ETFA: variants seen among roughly 807,000 people sequenced by gnomAD.
The protein encoded by ETFA is electron transfer flavoprotein subunit alpha, mitochondrial.
Under a neutral mutation model 46.2 loss-of-function variants are expected in ETFA, and 22 were observed. That is an observed-to-expected ratio of 0.48 (90% confidence interval 0.34 to 0.68). The LOEUF (loss-of-function observed/expected upper bound fraction) is 0.68. Among genes scored for constraint, ETFA ranks in the 30% least tolerant of loss-of-function variants. The pLI, the probability that ETFA is intolerant of heterozygous loss-of-function variation, is 0.01. For missense variants in ETFA, 345 were observed against 401.1 expected (o/e 0.86, Z 1.19); for synonymous variants, 131 against 139.9 (o/e 0.94, Z 0.45).
chr15:76,244,870 T>G (rs1436144560), intron 9 of ETFA, among the ~76,000 whole-genome samples: 1 of 152,164 alleles, frequency 6.6e-6, no homozygotes, highest in African/African-American at 2.4e-5. Flanking sequence ...TTACCATATA[T>G]ATGTAAAAAG....
intron 1 of ETFA, 114 bp from the exon 2 acceptor site, chr15:76,295,851 ATAT>A: frequency 1.6e-6 from 1 of 632,478 alleles, no homozygotes; most frequent in Non-Finnish European, 2.6e-6. Context: ...TCTGTACACA[ATAT>A]TATTCTATAA....
intron 9 of ETFA, among the ~76,000 whole-genome samples, chr15:76,242,736 T>C (rs2039204476): frequency 2.6e-5 from 4 of 152,162 alleles, no homozygotes; most frequent in Admixed American, 2.6e-4. Context: ...CATGATACAA[T>C]ATGATGAAAT....
rs1165964434 is a variant in ETFA, at chr15:76,241,801, C to CAAA, written c.817-10406_817-10404dup. 7.9e-4 allele frequency among the ~76,000 whole-genome samples: 24 copies of CAAA among 30,572 alleles called. 2 individuals are homozygous for CAAA. Among genetic ancestry groups the CAAA allele is most frequent in the African/African-American group, 3.2e-3 (19 of 6,006 alleles). The allele number at this position is 30,572 out of a possible 152,430, so 20.1% of individuals were successfully genotyped here. A position where few individuals can be genotyped will look rare whatever the true frequency, so the allele number is the denominator to read the frequency against. On this transcript the variant is annotated intron_variant, in intron 9 of 11. Coordinates refer to ENST00000557943, the MANE Select transcript of ETFA (RefSeq NM_000126.4). ...TGGGCGACAGAGTGAGACTCCATCT[C>CAAA]AAAAAAAAAAAAAAAAAAAAAAAAG...
chr15:76,303,886 G>A (rs1236410677), intron 1 of ETFA, among the ~76,000 whole-genome samples: 1 of 152,224 alleles, frequency 6.6e-6, no homozygotes, highest in African/African-American at 2.4e-5. Flanking sequence ...AAGCAATGTG[G>A]CGATTTCTCA....
At chr15:76,272,079 T>C (rs541622746) in intron 9 of ETFA, among the ~76,000 whole-genome samples, 17 of 152,256 alleles carry the variant, frequency 1.1e-4, no homozygotes, top group African/African-American at 4.1e-4. Context: ...ATGCTGATGG[T>C]ATGCCATTTA....
At chr15:76,225,952 T>C (rs777059523) in intron 10 of ETFA, 23 bp from the exon 11 acceptor site, 88 of 1,471,614 alleles carry the variant, frequency 6.0e-5, no homozygotes, top group Non-Finnish European at 8.0e-5. Context: ...AACAAAGAGT[T>C]TGACTTTTAC....
chr15:76,282,552 G>C (rs1445996349), intron 8 of ETFA, among the ~76,000 whole-genome samples: 1 of 152,158 alleles, frequency 6.6e-6, no homozygotes, highest in Non-Finnish European at 1.5e-5. Flanking sequence ...CTTGTTCAAA[G>C]AAAGAAGGAA....
chr15:76,260,870 G>A, intron 9 of ETFA: 2 of 1,611,834 alleles, frequency 1.2e-6, no homozygotes, highest in Non-Finnish European at 1.7e-6. Context: ...AGGTAAAGGG[G>A]GGCACAAGGA....
At chr15:76,295,936 C>CTTTTTTTTTTTTTTTTTGTTTTTTT (rs2039816987) in intron 1 of ETFA, among the ~76,000 whole-genome samples, 199 bp from the exon 2 acceptor site, 1 of 46,602 alleles carries the variant, frequency 2.1e-5, no homozygotes, top group Non-Finnish European at 4.2e-5. Context: ...CACTAATATT[C>CTTTTTTTTTTTTTTTTTGTTTTTTT]TTTTTTTTTT....
chr15:76,278,030 C>T (rs930811419), intron 8 of ETFA, among the ~76,000 whole-genome samples: 1 of 152,148 alleles, frequency 6.6e-6, no homozygotes, highest in African/African-American at 2.4e-5. Flanking sequence ...TCAGTTTGTT[C>T]AGTTTTTTAC....
At chr15:76,270,858 A>G (rs2039522318) in intron 9 of ETFA, among the ~76,000 whole-genome samples, 1 of 152,180 alleles carries the variant, frequency 6.6e-6, no homozygotes, top group African/African-American at 2.4e-5. Context: ...CCATACTGAT[A>G]TAAACAAATG....
chr15:76,281,797 A>C (rs1029692411), intron 8 of ETFA, among the ~76,000 whole-genome samples: 1 of 151,918 alleles, frequency 6.6e-6, no homozygotes, highest in African/African-American at 2.4e-5. Context: ...GAACCTGTGA[A>C]TATTACCTAC....
chr15:76,287,795 C>T, intron 5 of ETFA, 51 bp downstream of exon 5: 1 of 1,230,964 alleles, frequency 8.1e-7, no homozygotes, highest in Non-Finnish European at 1.2e-6. Flanking sequence ...TTAATTTATG[C>T]TTTTCACTAA....
intron 1 of ETFA, among the ~76,000 whole-genome samples, chr15:76,309,221 G>A (rs1290759628): frequency 2.6e-5 from 4 of 152,114 alleles, no homozygotes; most frequent in South Asian, 2.1e-4. Flanking sequence ...AGGCCAAGGC[G>A]GGCGGATCAT....
intron 9 of ETFA, among the ~76,000 whole-genome samples, chr15:76,269,992 CTCA>C (rs767928182): frequency 2.2e-4 from 33 of 152,208 alleles, no homozygotes; most frequent in Non-Finnish European, 7.3e-5. Context: ...ATACAACGTG[CTCA>C]TCATCATTAG....
intron 10 of ETFA, chr15:76,228,777 TG>T (rs2039032312): frequency 7.3e-6 from 1 of 136,880 alleles, no homozygotes; most frequent in Non-Finnish European, 1.5e-5. Flanking sequence ...TTTTTTTAGA[TG>T]GAGTCTCGTT....
intron 1 of ETFA, chr15:76,310,068 C>CAGAAAAAAAA (rs2039977584): frequency 1.4e-5 from 1 of 71,920 alleles, no homozygotes; most frequent in Non-Finnish European, 2.8e-5. Flanking sequence ...CCCGTCTCTA[C>CAGAAAAAAAA]AAAAAAAAAA....
At chr15:76,263,831 G>A (rs762751697) in intron 9 of ETFA, among the ~76,000 whole-genome samples, 18 of 152,112 alleles carry the variant, frequency 1.2e-4, no homozygotes, top group Non-Finnish European at 2.1e-4. Flanking sequence ...AACAGCTACC[G>A]GAGGAGATTA....
chr15:76,259,444 T>C, intron 9 of ETFA: 1 of 1,007,216 alleles, frequency 9.9e-7, no homozygotes, highest in Admixed American at 1.7e-5. Flanking sequence ...ACGTCCTCCA[T>C]ACACTCTGGA....
Sources: allele counts gnomAD v4.1 joint callset (sites outside exome capture counted in the v4.1 genomes callset), GRCh38; gene constraint gnomAD v4.1.1; transcripts MANE v1.5; gene names NCBI Gene and HGNC (gene_info 2026-07-23, HGNC 2026-07-21).